INSL6: variants seen among roughly 807,000 people sequenced by gnomAD.
The protein encoded by INSL6 is insulin-like peptide INSL6.
A neutral mutation model predicts 9.4 loss-of-function variants in INSL6; 16 were observed. That is an observed-to-expected ratio of 1.70 (90% CI 1.15 to 2.59). The LOEUF (loss-of-function observed/expected upper bound fraction) is 2.59, where lower values mean the gene tolerates loss of function less well. INSL6 is among the 30% of genes most tolerant of loss of function. The pLI is 0.00. For missense variants in INSL6, 391 were observed against 257.3 expected (o/e 1.52, Z -3.56); for synonymous variants, 154 against 96.9 (o/e 1.59, Z -3.46).
At chr9:5,015,673 C>G in the INSL6 span, among the ~76,000 whole-genome samples, 1 of 151,774 alleles carries the variant, frequency 6.6e-6, no homozygotes, top group Admixed American at 6.6e-5. Context: ...TCGTCATGTA[C>G]TTCCAGGAAA....
At chr9:5,020,060 G>C in the INSL6 span, among the ~76,000 whole-genome samples, 1 of 152,276 alleles carries the variant, frequency 6.6e-6, no homozygotes, top group East Asian at 1.9e-4. Context: ...TGATGGGCTG[G>C]GCAGCTGAGT....
chr9:5,161,693 G>A (rs1824930365), downstream of INSL6, among the ~76,000 whole-genome samples: 1 of 152,040 alleles, frequency 6.6e-6, no homozygotes, highest in East Asian at 1.9e-4. Context: ...AAAATTTAAG[G>A]ACTCCACCAA....
the INSL6 span, chr9:5,041,630 C>G: frequency 2.0e-6 from 1 of 500,790 alleles, no homozygotes; most frequent in South Asian, 1.6e-5. Flanking sequence ...GGCGCCTGGA[C>G]TTTGAGAAGC....
At chr9:5,142,442 T>C (rs1564038505) in intron 2 of INSL6, among the ~76,000 whole-genome samples, 15 of 152,170 alleles carry the variant, frequency 9.9e-5, no homozygotes, top group Non-Finnish European at 1.5e-5. Context: ...CTTAGTTAAC[T>C]GTATTTCTAG....
chr9:5,176,505 C>T (rs1234016937), intron 1 of INSL6, among the ~76,000 whole-genome samples: 1 of 151,854 alleles, frequency 6.6e-6, no homozygotes, highest in Non-Finnish European at 1.5e-5. Flanking sequence ...TGAGTATTTG[C>T]TTAATAAAAG....
At chr9:5,092,314 A>C in the INSL6 span, among the ~76,000 whole-genome samples, 34 of 152,266 alleles carry the variant, frequency 2.2e-4, no homozygotes, top group African/African-American at 7.0e-4. Flanking sequence ...CTCCGCAAAT[A>C]TCATTCTAGA....
the INSL6 span, chr9:5,112,640 C>T: frequency 2.0e-6 from 2 of 1,002,718 alleles, no homozygotes; most frequent in Non-Finnish European, 2.8e-6. Context: ...CAGCGAGAAG[C>T]CCCAGACCAA....
chr9:5,033,912 G>A, the INSL6 span, among the ~76,000 whole-genome samples: 2 of 152,228 alleles, frequency 1.3e-5, no homozygotes, highest in African/African-American at 2.4e-5. Flanking sequence ...AACGTAAATG[G>A]GCTAAATGCT....
chr9:5,057,643 C>T, the INSL6 span, among the ~76,000 whole-genome samples: 2 of 141,758 alleles, frequency 1.4e-5, no homozygotes, highest in East Asian at 2.0e-4. Flanking sequence ...AGCACAATGG[C>T]GCGATCTTGG....
the INSL6 span, among the ~76,000 whole-genome samples, chr9:5,049,485 A>G: frequency 3.9e-5 from 6 of 152,156 alleles, no homozygotes; most frequent in African/African-American, 1.4e-4. Context: ...TTTTAAACAC[A>G]CTGTGAAGTT....
chr9:5,088,682 T>A, the INSL6 span, among the ~76,000 whole-genome samples: 1 of 152,240 alleles, frequency 6.6e-6, no homozygotes, highest in African/African-American at 2.4e-5. Context: ...GCCTGGAAAG[T>A]CTGAGATCAA....
chr9:5,012,160 C>CT, the INSL6 span, among the ~76,000 whole-genome samples: 1 of 152,198 alleles, frequency 6.6e-6, no homozygotes, highest in Non-Finnish European at 1.5e-5. Flanking sequence ...GATACTTTCA[C>CT]CCAGTAAGAC....
At chr9:5,144,787 G>T (rs1242483530) in intron 2 of INSL6, among the ~76,000 whole-genome samples, 1 of 152,104 alleles carries the variant, frequency 6.6e-6, no homozygotes, top group Non-Finnish European at 1.5e-5. Context: ...AACTAAGATT[G>T]CAACCACTAA....
chr9:5,107,540 G>C, the INSL6 span, among the ~76,000 whole-genome samples: 1 of 151,878 alleles, frequency 6.6e-6, no homozygotes, highest in African/African-American at 2.4e-5. Flanking sequence ...ATTTACAAAA[G>C]AACTCAAAAA....
the INSL6 span, among the ~76,000 whole-genome samples, chr9:5,083,842 A>T: frequency 3.9e-5 from 6 of 152,190 alleles, no homozygotes; most frequent in African/African-American, 1.4e-4. Flanking sequence ...AAATATTACA[A>T]TGAAGATACG....
intron 1 of INSL6, among the ~76,000 whole-genome samples, chr9:5,169,418 A>G (rs573153381): frequency 6.8e-4 from 103 of 152,344 alleles, no homozygotes; most frequent in African/African-American, 2.3e-3. Flanking sequence ...CACTACAAAA[A>G]CACACCAAAG....
chr9:5,010,405 C>G, the INSL6 span, among the ~76,000 whole-genome samples: 3 of 151,848 alleles, frequency 2.0e-5, no homozygotes, highest in South Asian at 6.2e-4. Flanking sequence ...GTTGCAACCT[C>G]TGCCTTCGGG....
At chr9:5,017,510 TTTCC>T in the INSL6 span, among the ~76,000 whole-genome samples, 21 of 152,352 alleles carry the variant, frequency 1.4e-4, no homozygotes, top group South Asian at 4.3e-3. Flanking sequence ...AACTTCATTT[TTTCC>T]TTCCTTCTGT....
chr9:5,093,445 G>A, the INSL6 span, among the ~76,000 whole-genome samples: 2 of 152,162 alleles, frequency 1.3e-5, no homozygotes, highest in African/African-American at 2.4e-5. Context: ...CAGCTGTCAT[G>A]AGGGTTCAGC....
Sources: allele counts gnomAD v4.1 joint callset (sites outside exome capture counted in the v4.1 genomes callset), GRCh38; gene constraint gnomAD v4.1.1; transcripts MANE v1.5; gene names NCBI Gene and HGNC (gene_info 2026-07-23, HGNC 2026-07-21).